The following LTBP1 variants were observed in gnomAD, a reference collection of about 807,000 sequenced individuals.
The protein encoded by LTBP1 is latent-transforming growth factor beta-binding protein 1.
LTBP1 carries 129 observed loss-of-function variants against 207.6 expected under a neutral mutation model. The observed-to-expected ratio is 0.62, with a 90% CI of 0.54 to 0.72. LTBP1 has a LOEUF of 0.72. Ranked by LOEUF, LTBP1 falls within the 30% of genes least tolerant of loss-of-function variation. LTBP1 has a pLI of 0.00. For synonymous variants in LTBP1, 963 were observed against 833.7 expected, an observed-to-expected ratio of 1.16 and a Z score of -2.67; for missense variants, 2,281 against 2,217.2, an observed-to-expected ratio of 1.03 and a Z score of -0.58.
chr2:33,314,977 C>T (rs990430075), intron 23 of LTBP1, among the ~76,000 whole-genome samples, 167 bp from the exon 24 acceptor site: 1 of 152,192 alleles, frequency 6.6e-6, no homozygotes, highest in Non-Finnish European at 1.5e-5. Flanking sequence ...TAGTTTCTCT[C>T]TCATAACTCA....
In LTBP1 at chr2:32,947,657, C is replaced by G. The variant is rs1201984583; in HGVS notation, c.333C>G (p.Pro111=). The part of the protein sequence containing the change: ...PPPPPPEPAR[P]AVPGGQLHPN... ...CGCCGCCGCCGGAGCCTGCGCGTCC[C>G]GCGGTCCCCGGCGGGCAGCTCCACC... Residue 111 remains proline, a synonymous_variant, in exon 1 of 34, where the codon CCC becomes CCG. Coordinates refer to ENST00000404816, the MANE Select transcript of LTBP1 (RefSeq NM_206943.4). 7.1e-7 allele frequency: 1 copy of G among 1,416,372 alleles called. No individual in the cohort carries two copies. The highest frequency in any genetic ancestry group is 1.5e-5 in the African/African-American group (1 of 66,500). The allele number at this position is 1,416,372 out of a possible 1,614,324, so 87.7% of individuals were successfully genotyped here.
chr2:33,012,189 C>T (rs1412589088), intron 2 of LTBP1, among the ~76,000 whole-genome samples: 2 of 151,486 alleles, frequency 1.3e-5, no homozygotes, highest in African/African-American at 4.8e-5. Context: ...CAAAATTGAG[C>T]ATAGAATTGT....
intron 23 of LTBP1, 144 bp from the exon 24 acceptor site, chr2:33,315,000 G>T: frequency 1.5e-6 from 1 of 650,796 alleles, no homozygotes; most frequent in African/African-American, 1.9e-5. Flanking sequence ...TTGTCCTGTG[G>T]TTGATTTATG....
intron 7 of LTBP1, among the ~76,000 whole-genome samples, chr2:33,213,880 G>T (rs1203753859): frequency 6.6e-6 from 1 of 152,146 alleles, no homozygotes; most frequent in Non-Finnish European, 1.5e-5. Flanking sequence ...TGCTGCTCTT[G>T]GCTGTGGACC....
intron 2 of LTBP1, among the ~76,000 whole-genome samples, 185 bp downstream of exon 2, chr2:32,949,130 G>T (rs1265115514): frequency 6.6e-6 from 1 of 152,196 alleles, no homozygotes; most frequent in African/African-American, 2.4e-5. Context: ...ATCAATGCCA[G>T]CAGCAATACA....
intron 3 of LTBP1, among the ~76,000 whole-genome samples, chr2:33,075,336 A>AT (rs1434672882): frequency 5.9e-5 from 9 of 152,130 alleles, no homozygotes; most frequent in Non-Finnish European, 1.2e-4. Flanking sequence ...ATTTAAAAAT[A>AT]TTTTTTGGGG....
At chr2:33,382,617 T>C (rs943266559) in intron 31 of LTBP1, among the ~76,000 whole-genome samples, 40 of 152,248 alleles carry the variant, frequency 2.6e-4, no homozygotes, top group East Asian at 9.7e-4. Flanking sequence ...TACTCTCAGG[T>C]CCCACCCTGT....
Position 33,057,691 on chromosome 2 carries a change from C to T in LTBP1, c.863+36485C>T, listed in dbSNP as rs536847410. On this transcript the variant is annotated intron_variant, in intron 3 of 33. Coordinates refer to ENST00000404816, the MANE Select transcript of LTBP1 (RefSeq NM_206943.4). Reference sequence around the variant, plus strand: ...CCCAGGTGCTAAGCCCCTCACTGCCCGGGGCCGGCACGGCTGGCCGGCAGC... The same window carrying T: ...CCCAGGTGCTAAGCCCCTCACTGCCTGGGGCCGGCACGGCTGGCCGGCAGC... 1.2e-4 allele frequency among the ~76,000 whole-genome samples: 19 copies of T among 152,358 alleles called. No individual in the cohort carries two copies. The East Asian group carries it at 2.7e-3, about 22-fold the overall frequency.
chr2:33,368,304 C>G (rs1020279408), intron 31 of LTBP1, among the ~76,000 whole-genome samples: 2 of 152,190 alleles, frequency 1.3e-5, no homozygotes, highest in Non-Finnish European at 2.9e-5. Flanking sequence ...TAGAACTACC[C>G]GGCGATCCCA....
intron 2 of LTBP1, among the ~76,000 whole-genome samples, chr2:32,976,198 C>G (rs1681749904): frequency 6.6e-6 from 1 of 152,154 alleles, no homozygotes; most frequent in Admixed American, 6.5e-5. Flanking sequence ...GTATGGGGCC[C>G]CCAGCTTTGT....
chr2:33,367,811 GA>G (rs370720686), intron 31 of LTBP1, among the ~76,000 whole-genome samples: 16 of 152,178 alleles, frequency 1.1e-4, no homozygotes, highest in Admixed American at 7.2e-4. Context: ...ACTGGGGCAA[GA>G]TGGGGCAGGG....
chr2:33,276,137 A>G (rs1006706122), intron 18 of LTBP1, among the ~76,000 whole-genome samples: 7 of 151,882 alleles, frequency 4.6e-5, no homozygotes, highest in Non-Finnish European at 8.8e-5. Flanking sequence ...TTTTCACCTC[A>G]ATATCTGCCT....
chr2:33,050,858 T>C (rs112171616), intron 3 of LTBP1, among the ~76,000 whole-genome samples: 15,441 of 151,870 alleles, frequency 0.1, 983 homozygotes, highest in Non-Finnish European at 0.14. Flanking sequence ...CTCAGCCTCC[T>C]GAGTAGCTGG....
At chr2:33,111,986 GA>G (rs2080438489) in intron 4 of LTBP1, among the ~76,000 whole-genome samples, 1 of 152,162 alleles carries the variant, frequency 6.6e-6, no homozygotes, top group African/African-American at 2.4e-5. Flanking sequence ...AATATTTCTT[GA>G]GTATATGTGT....
intron 2 of LTBP1, among the ~76,000 whole-genome samples, chr2:32,983,725 C>T (rs1328154500): frequency 1.3e-5 from 2 of 152,202 alleles, no homozygotes; most frequent in African/African-American, 4.8e-5. Context: ...CACTCTCATG[C>T]CTGACGCCAT....
chr2:33,336,527 C>G (rs2094555242), intron 24 of LTBP1, among the ~76,000 whole-genome samples: 1 of 152,076 alleles, frequency 6.6e-6, no homozygotes, highest in South Asian at 2.1e-4. Context: ...CAAAATGGAC[C>G]ATATGATTCA....
At chr2:33,351,324 AG>A (rs2094778814) in intron 26 of LTBP1, among the ~76,000 whole-genome samples, 1 of 152,242 alleles carries the variant, frequency 6.6e-6, no homozygotes, top group African/African-American at 2.4e-5. Flanking sequence ...AATGAATGGC[AG>A]AATTGGTCCA....
intron 26 of LTBP1, among the ~76,000 whole-genome samples, chr2:33,354,906 C>T (rs1433937299): frequency 3.3e-5 from 5 of 152,014 alleles, no homozygotes; most frequent in African/African-American, 9.7e-5. Flanking sequence ...ATGCACAGCT[C>T]GTTTTTAAAA....
intron 3 of LTBP1, among the ~76,000 whole-genome samples, chr2:33,046,122 T>G (rs1433480325): frequency 3.3e-5 from 5 of 152,210 alleles, no homozygotes; most frequent in African/African-American, 4.8e-5. Flanking sequence ...TCTTGCCTGA[T>G]TTCACTGGCC....
Sources: allele counts gnomAD v4.1 joint callset (sites outside exome capture counted in the v4.1 genomes callset), GRCh38; gene constraint gnomAD v4.1.1; transcripts MANE v1.5; gene names NCBI Gene and HGNC (gene_info 2026-07-23, HGNC 2026-07-21).